The following THSD7B variants were observed in gnomAD, a reference collection of about 807,000 sequenced individuals.
THSD7B encodes the protein thrombospondin type-1 domain-containing protein 7B.
THSD7B carries 138 observed loss-of-function variants against 213.6 expected under a neutral mutation model. The observed-to-expected ratio is 0.65, with a 90% confidence interval of 0.56 to 0.74. The LOEUF (loss-of-function observed/expected upper bound fraction) is 0.74, where lower values mean the gene tolerates loss of function less well. THSD7B is among the 30% of genes least tolerant of loss of function. THSD7B has a pLI of 0.00. For missense variants in THSD7B, 1,931 were observed against 1,991.5 expected (o/e 0.97, Z 0.58); for synonymous variants, 742 against 687.0 (o/e 1.08, Z -1.25).
chr2:137,482,563 G>C (rs758041945), intron 15 of THSD7B, among the ~76,000 whole-genome samples: 1 of 152,128 alleles, frequency 6.6e-6, no homozygotes, highest in Admixed American at 6.6e-5. Context: ...AACATAGTTT[G>C]AAAAATACTT....
intron 4 of THSD7B, among the ~76,000 whole-genome samples, chr2:137,103,725 G>A (rs1221756655): frequency 2.6e-5 from 4 of 151,902 alleles, no homozygotes; most frequent in Non-Finnish European, 5.9e-5. Context: ...AAAGAAGCAG[G>A]GGTTTCAATC....
chr2:137,361,003 T>G (rs191990731), intron 12 of THSD7B, among the ~76,000 whole-genome samples: 146 of 152,242 alleles, frequency 9.6e-4, no homozygotes, highest in African/African-American at 3.3e-3. Flanking sequence ...AGATGAAGTT[T>G]CCAGAGGAAG....
At chr2:137,582,512 C>G (rs1343330932) in intron 17 of THSD7B, among the ~76,000 whole-genome samples, 1 of 133,098 alleles carries the variant, frequency 7.5e-6, no homozygotes, top group East Asian at 2.4e-4. Flanking sequence ...AAGACAGGCC[C>G]TGGTATGTGA....
chr2:137,089,072 A>G (rs71419516), intron 3 of THSD7B, among the ~76,000 whole-genome samples: 12,669 of 152,160 alleles, frequency 0.083, 754 homozygotes, highest in African/African-American at 0.16. Context: ...GAGATTCCTT[A>G]AAGAACTAAA....
intron 16 of THSD7B, among the ~76,000 whole-genome samples, chr2:137,570,692 C>A (rs575900930): frequency 2.0e-5 from 3 of 152,158 alleles, no homozygotes; most frequent in African/African-American, 7.2e-5. Context: ...GCTAGATCAG[C>A]AAATGGCATG....
At position 137,166,005 on chromosome 2, in the gene THSD7B, A is replaced by G. The variant is rs201275043; in HGVS notation, c.1526-4736A>G. Among the ~76,000 whole-genome samples the G allele has an allele frequency of 4.6e-5, 7 of 152,198 alleles. No homozygotes were observed. The East Asian group carries it at 1.3e-3, about 29-fold the overall frequency. On this transcript the variant is annotated intron_variant, in intron 6 of 27. Transcript: ENST00000409968. The stretch of plus-strand genomic sequence containing the variant: ...AGTAGGAAATGTTTTATTGCGGAAT[A>G]GAAGAAATTAGTTACTATAGAAATT...
intron 1 of THSD7B, among the ~76,000 whole-genome samples, chr2:136,771,602 G>A (rs1269041770): frequency 6.6e-6 from 1 of 152,066 alleles, no homozygotes; most frequent in East Asian, 1.9e-4. Context: ...ATATCTATTA[G>A]TCAAAATCCA....
intron 12 of THSD7B, among the ~76,000 whole-genome samples, chr2:137,364,488 A>C (rs1171201618): frequency 6.6e-6 from 1 of 152,256 alleles, no homozygotes; most frequent in Non-Finnish European, 1.5e-5. Context: ...TTGTATATTT[A>C]GAAAACCCCA....
At chr2:136,950,539 C>T (rs1179947218) in intron 2 of THSD7B, among the ~76,000 whole-genome samples, 5 of 152,128 alleles carry the variant, frequency 3.3e-5, no homozygotes, top group Non-Finnish European at 4.4e-5. Context: ...TACTGCCTGT[C>T]CTTGTCATAA....
At chr2:137,249,857 G>A (rs1352766335) in intron 10 of THSD7B, among the ~76,000 whole-genome samples, 1 of 152,212 alleles carries the variant, frequency 6.6e-6, no homozygotes, top group African/African-American at 2.4e-5. Flanking sequence ...TTGAAGTCCA[G>A]TACCTTTATT....
intron 2 of THSD7B, among the ~76,000 whole-genome samples, chr2:136,898,849 G>T (rs1684012172): frequency 6.6e-6 from 1 of 151,344 alleles, no homozygotes; most frequent in Admixed American, 6.6e-5. Flanking sequence ...CACCATGTTG[G>T]CCAGGTTGTT....
chr2:137,659,356 A>G (rs565985502), intron 24 of THSD7B, among the ~76,000 whole-genome samples: 12 of 152,318 alleles, frequency 7.9e-5, no homozygotes, highest in South Asian at 6.2e-4. Context: ...TTTAGATTTT[A>G]TCAATTCTTC....
intron 12 of THSD7B, among the ~76,000 whole-genome samples, chr2:137,308,478 T>G (rs954022134): frequency 1.3e-5 from 2 of 152,118 alleles, no homozygotes; most frequent in Non-Finnish European, 1.5e-5. Context: ...ATTTTAGACT[T>G]CATTCAGAGT....
chr2:137,548,687 GT>G (rs1288370233), intron 15 of THSD7B, among the ~76,000 whole-genome samples: 2 of 151,956 alleles, frequency 1.3e-5, no homozygotes, highest in African/African-American at 4.8e-5. Context: ...TTACATTTCA[GT>G]TAGTTTGCTT....
At chr2:137,270,294 G>C (rs1022040998) in intron 10 of THSD7B, among the ~76,000 whole-genome samples, 2 of 151,956 alleles carry the variant, frequency 1.3e-5, no homozygotes, top group African/African-American at 4.8e-5. Context: ...ATAAGCCGGG[G>C]GGCTACTGAT....
chr2:137,669,987 T>C (rs1683529145), intron 27 of THSD7B, among the ~76,000 whole-genome samples: 1 of 152,014 alleles, frequency 6.6e-6, no homozygotes, highest in Non-Finnish European at 1.5e-5. Flanking sequence ...AGAGCATTTA[T>C]ATATATATAT....
chr2:137,446,065 A>G (rs1687530445), intron 14 of THSD7B, among the ~76,000 whole-genome samples: 1 of 151,878 alleles, frequency 6.6e-6, no homozygotes, highest in Admixed American at 6.6e-5. Flanking sequence ...ATGTTTCATT[A>G]TTCGAGCACA....
intron 2 of THSD7B, among the ~76,000 whole-genome samples, chr2:137,036,576 T>C (rs961551968): frequency 1.3e-5 from 2 of 152,170 alleles, no homozygotes; most frequent in Non-Finnish European, 2.9e-5. Flanking sequence ...TCAAGTAGAC[T>C]CTTGCTTAAA....
At chr2:137,299,814 A>G (rs1188932345) in intron 12 of THSD7B, among the ~76,000 whole-genome samples, 3 of 152,116 alleles carry the variant, frequency 2.0e-5, no homozygotes, top group African/African-American at 7.2e-5. Context: ...AAGTATAGGA[A>G]ATTGATTTTG....
Sources: allele counts gnomAD v4.1 joint callset (sites outside exome capture counted in the v4.1 genomes callset), GRCh38; gene constraint gnomAD v4.1.1; transcripts MANE v1.5; gene names NCBI Gene and HGNC (gene_info 2026-07-23, HGNC 2026-07-21).